DGKG: variants seen among roughly 807,000 people sequenced by gnomAD.
DGKG encodes diacylglycerol kinase gamma, also known as DAG kinase gamma.
DGKG carries 78 observed loss-of-function variants against 105.3 expected under a neutral mutation model. The ratio of observed to expected loss-of-function variants is 0.74; its 90% CI spans 0.62 to 0.89. The LOEUF is 0.89. DGKG is among the 40% of genes least tolerant of loss of function. The pLI is 0.00. For missense variants in DGKG, 958 were observed against 1,020.1 expected (o/e 0.94, Z 0.83); for synonymous variants, 346 against 367.1 (o/e 0.94, Z 0.66).
At chr3:186,334,151 A>G (rs781246753) in intron 1 of DGKG, among the ~76,000 whole-genome samples, 4 of 152,096 alleles carry the variant, frequency 2.6e-5, no homozygotes, top group African/African-American at 4.8e-5. Context: ...AGGGTCTACT[A>G]TCTGTTCTAT....
chr3:186,311,270 ACT>A (rs1289915740), intron 2 of DGKG, among the ~76,000 whole-genome samples: 1 of 152,150 alleles, frequency 6.6e-6, no homozygotes. Flanking sequence ...GTAAATGAAG[ACT>A]GTCCTAAAAA....
chr3:186,164,334 C>CGATTAG, intron 23 of DGKG, among the ~76,000 whole-genome samples: 1 of 152,182 alleles, frequency 6.6e-6, no homozygotes, highest in Admixed American at 6.5e-5. Context: ...AGGATCCTCT[C>CGATTAG]GATTAGACTT....
chr3:186,295,525 A>G (rs868028735), intron 5 of DGKG, among the ~76,000 whole-genome samples: 34 of 110,196 alleles, frequency 3.1e-4, no homozygotes, highest in South Asian at 1.5e-3. Flanking sequence ...AATAATAATA[A>G]TAGTAATAAT....
At chr3:186,320,087 G>A (rs979475696) in intron 2 of DGKG, among the ~76,000 whole-genome samples, 1 of 152,208 alleles carries the variant, frequency 6.6e-6, no homozygotes, top group African/African-American at 2.4e-5. Flanking sequence ...GCTCAACGGT[G>A]TAAAGCAATA....
intron 1 of DGKG, among the ~76,000 whole-genome samples, chr3:186,321,015 A>G (rs1306753364): frequency 1.3e-5 from 2 of 152,252 alleles, no homozygotes; most frequent in African/African-American, 4.8e-5. Flanking sequence ...GCCTTAGGCT[A>G]TTGGATGCTT....
intron 3 of DGKG, among the ~76,000 whole-genome samples, chr3:186,302,492 ATATATATATATATACATATG>A (rs1354013644): frequency 6.2e-4 from 6 of 9,726 alleles, no homozygotes; most frequent in African/African-American, 3.5e-3. Context: ...ATATATATAT[ATATATATATATATACATATG>A]TGTATATATA....
chr3:186,298,294 G>T, intron 3 of DGKG, 65 bp from the exon 4 acceptor site: 1 of 1,468,572 alleles, frequency 6.8e-7, no homozygotes, highest in Non-Finnish European at 9.1e-7. Context: ...AAGAGAGAAG[G>T]AAAAGGAATA....
chr3:186,149,765 A>AT lies in DGKG; in HGVS notation c.*324dup. ...GCAGGGCTGGTAGAAAGAAAGGGGG[A>AT]TTTCCCTTCAGTCTCAGAAAATTCT... On this transcript the variant is annotated 3_prime_UTR_variant, in exon 25 of 25. Transcript: ENST00000265022. 9.4e-7 allele frequency: 1 copy of AT among 1,062,066 alleles called. No individual in the cohort carries two copies. Among genetic ancestry groups the AT allele is most frequent in the East Asian group, 7.1e-5 (1 of 14,152 alleles). The allele number at this position is 1,062,066 out of a possible 1,614,324, so 65.8% of individuals were successfully genotyped here.
chr3:186,297,871 T>G (rs1723664942), intron 4 of DGKG, among the ~76,000 whole-genome samples, 193 bp downstream of exon 4: 1 of 152,246 alleles, frequency 6.6e-6, no homozygotes, highest in Non-Finnish European at 1.5e-5. Flanking sequence ...CTCCTGTTTA[T>G]TCCTCTTGCT....
intron 1 of DGKG, among the ~76,000 whole-genome samples, chr3:186,321,350 C>T (rs1318722423): frequency 6.6e-6 from 1 of 152,150 alleles, no homozygotes; most frequent in Non-Finnish European, 1.5e-5. Context: ...CATGTAAACA[C>T]ATGAAATGGA....
In DGKG at chr3:186,320,402, A is replaced by G; in HGVS notation, c.58T>C (p.Tyr20His). The G allele has an allele frequency of 6.2e-7, 1 of 1,614,130 alleles. No individual in the cohort carries two copies. ...TPEEFDQLQKYSEYSSKKIKD... is the reference protein window; with the variant it reads ...TPEEFDQLQKHSEYSSKKIKD... ...CAATGCATTTACTCACATTCTGAAT[A>G]TTTCTGGAGTTGGTCAAATTCTTCT... Residue 20 changes from tyrosine (Y) to histidine (H), a missense_variant, in exon 2 of 25, where the codon TAT (tyrosine) becomes CAT (histidine). Physicochemically the swap from Tyr to His is moderately conservative, Grantham distance 83. Around this residue, in one of 2 missense-constraint regions of DGKG, gnomAD observed 643 missense variants for 619.5 expected, o/e 1.04. Coordinates refer to ENST00000265022, the MANE Select transcript of DGKG (RefSeq NM_001346.3).
intron 22 of DGKG, among the ~76,000 whole-genome samples, chr3:186,167,329 C>T (rs891299821): frequency 6.6e-6 from 1 of 152,162 alleles, no homozygotes; most frequent in Non-Finnish European, 1.5e-5. Flanking sequence ...CCTTCTACTT[C>T]CTAGAATGCC....
chr3:186,345,346 T>A (rs899088309), intron 1 of DGKG, among the ~76,000 whole-genome samples: 1 of 152,244 alleles, frequency 6.6e-6, no homozygotes, highest in African/African-American at 2.4e-5. Context: ...TGAAGACTTT[T>A]ATTAAAAATG....
chr3:186,212,894 G>A (rs188494658), intron 20 of DGKG, among the ~76,000 whole-genome samples: 31 of 152,310 alleles, frequency 2.0e-4, no homozygotes, highest in African/African-American at 2.2e-4. Flanking sequence ...CTTGCATGGC[G>A]CTAATCCTCT....
chr3:186,325,490 T>C (rs1373357038), intron 1 of DGKG, among the ~76,000 whole-genome samples: 1 of 152,168 alleles, frequency 6.6e-6, no homozygotes, highest in African/African-American at 2.4e-5. Context: ...CTGCTCCAGG[T>C]TGTTGTAATT....
At chr3:186,174,576 T>C (rs928438824) in intron 22 of DGKG, among the ~76,000 whole-genome samples, 2 of 152,078 alleles carry the variant, frequency 1.3e-5, no homozygotes, top group Admixed American at 6.5e-5. Flanking sequence ...CTTTATTCCT[T>C]TTTTTTCTTT....
At position 186,148,752 on chromosome 3, in the gene DGKG, C is replaced by T. The variant is rs1038153131; in HGVS notation, c.*1338G>A. The T allele has an allele frequency of 1.0e-6, 1 of 985,346 alleles. No homozygotes were observed. The highest frequency in any genetic ancestry group is 1.2e-6 in the Non-Finnish European group (1 of 829,868). The allele number at this position is 985,346 out of a possible 1,614,324, so 61.0% of individuals were successfully genotyped here. Reference sequence around the variant, plus strand: ...GGTCTTTCATGCTTGTTTTGAGGATCCAGAATAGGAGTTCTCGGTCTCTTC... The same window carrying T: ...GGTCTTTCATGCTTGTTTTGAGGATTCAGAATAGGAGTTCTCGGTCTCTTC... On this transcript the variant is annotated 3_prime_UTR_variant, in exon 25 of 25. Coordinates refer to ENST00000265022, the MANE Select transcript of DGKG (RefSeq NM_001346.3).
At chr3:186,346,720 C>G (rs1039421428) in intron 1 of DGKG, among the ~76,000 whole-genome samples, 1 of 150,694 alleles carries the variant, frequency 6.6e-6, no homozygotes, top group African/African-American at 2.5e-5. Context: ...ACAAGTTCTA[C>G]ATTTTTTGAA....
chr3:186,242,145 G>A (rs1368387226), intron 20 of DGKG, among the ~76,000 whole-genome samples: 2 of 152,160 alleles, frequency 1.3e-5, no homozygotes, highest in Non-Finnish European at 2.9e-5. Context: ...ATCATGAGGG[G>A]CTGGGGTTGG....
Sources: allele counts gnomAD v4.1 joint callset (sites outside exome capture counted in the v4.1 genomes callset), GRCh38; gene constraint gnomAD v4.1.1; regional missense constraint gnomAD v4.1.1; transcripts MANE v1.5; gene names NCBI Gene and HGNC (gene_info 2026-07-23, HGNC 2026-07-21).